The following XPR1 variants were observed in gnomAD, a reference collection of about 807,000 sequenced individuals.
XPR1 encodes solute carrier family 53 member 1.
Under a neutral mutation model 87.5 loss-of-function variants are expected in XPR1, and 28 were observed. The observed-to-expected ratio is 0.32, with a 90% confidence interval of 0.24 to 0.44. The LOEUF is 0.44. XPR1 is among the 20% of genes least tolerant of loss of function. XPR1 has a pLI of 1.00. For synonymous variants in XPR1, 300 were observed against 306.1 expected (o/e 0.98, Z 0.21); for missense variants, 559 against 862.3 (o/e 0.65, Z 4.41).
intron 5 of XPR1, 88 bp downstream of exon 5, chr1:180,806,299 C>A: frequency 6.4e-7 from 1 of 1,551,302 alleles, no homozygotes; most frequent in South Asian, 1.2e-5. Flanking sequence ...TATTTTGTAA[C>A]TAGTTGCTAG....
At chr1:180,713,348 A>G (rs1657873413) in intron 2 of XPR1, among the ~76,000 whole-genome samples, 1 of 152,148 alleles carries the variant, frequency 6.6e-6, no homozygotes, top group African/African-American at 2.4e-5. Context: ...TCTTGTGCAA[A>G]TTTGCTAAAC....
chr1:180,788,566 A>G lies in XPR1; in HGVS notation c.223+712A>G, dbSNP rs879022257. On this transcript the variant is annotated intron_variant, in intron 3 of 14. Transcript: ENST00000367590. ...TTCATCTAGACTCTGGAAATGTTAC[A>G]CATAGTTCCTGTTACACCGCCAGAT... 3.3e-5 allele frequency among the ~76,000 whole-genome samples: 5 copies of G among 152,132 alleles called. No homozygotes were observed. The South Asian group carries it at 1.0e-3, about 32-fold the overall frequency.
Position 180,688,704 on chromosome 1 carries a change from T to C in XPR1, c.121+6293T>C, listed in dbSNP as rs138010022. Among the ~76,000 whole-genome samples, 84 of 152,322 alleles carry C rather than the reference T, an allele frequency of 5.5e-4. No individual in the cohort carries two copies. The East Asian group carries it at 0.013, about 24-fold the overall frequency. On this transcript the variant is annotated intron_variant, in intron 2 of 14. Transcript: ENST00000367590. ...AACAATTCTTACATATAGTACCCGT[T>C]TGACATTGTGTCAAGTTTTCAGTGA... is the stretch of plus-strand genomic sequence containing the variant.
At chr1:180,669,505 C>A (rs1184944866) in intron 1 of XPR1, among the ~76,000 whole-genome samples, 1 of 152,112 alleles carries the variant, frequency 6.6e-6, no homozygotes, top group African/African-American at 2.4e-5. Context: ...ACCTCAGCCT[C>A]CTGAGTAGCT....
At position 180,659,272 on chromosome 1, in the gene XPR1, C is replaced by T. The variant is rs1416743874; in HGVS notation, c.70-23088C>T. On this transcript the variant is annotated intron_variant, in intron 1 of 14. Transcript: ENST00000367590. ...TTCCTCCCTCCCTCCCTCCCTCCCT[C>T]CCTCCCTTCTTTCCCATCAGTGTTC... Among the ~76,000 whole-genome samples the T allele has an allele frequency of 1.6e-4, 15 of 93,102 alleles. No homozygotes were observed. The South Asian group carries it at 5.0e-3, about 31-fold the overall frequency. 61.1% of individuals were successfully genotyped at this position (93,102 alleles called of 152,430 possible).
intron 2 of XPR1, among the ~76,000 whole-genome samples, chr1:180,747,753 A>G (rs1469253773): frequency 6.6e-6 from 1 of 152,220 alleles, no homozygotes; most frequent in African/African-American, 2.4e-5. Flanking sequence ...AGAAAAATAG[A>G]GGCTTTATAG....
At chr1:180,815,283 G>A (rs947444347) in intron 7 of XPR1, among the ~76,000 whole-genome samples, 3 of 151,814 alleles carry the variant, frequency 2.0e-5, no homozygotes, top group Non-Finnish European at 2.9e-5. Flanking sequence ...CTATGTTTTT[G>A]TAAGACATTC....
intron 2 of XPR1, among the ~76,000 whole-genome samples, chr1:180,709,759 C>G (rs1000702528): frequency 6.6e-6 from 1 of 152,038 alleles, no homozygotes; most frequent in Admixed American, 6.5e-5. Context: ...TTTACATTTT[C>G]CAAATGACTA....
intron 2 of XPR1, among the ~76,000 whole-genome samples, chr1:180,762,065 G>A (rs926682055): frequency 5.7e-5 from 8 of 141,128 alleles, no homozygotes; most frequent in African/African-American, 1.3e-4. Flanking sequence ...GGTGGGAATC[G>A]AACACTGAGA....
intron 14 of XPR1, among the ~76,000 whole-genome samples, chr1:180,882,939 A>G (rs1453147878): frequency 6.7e-6 from 1 of 149,134 alleles, no homozygotes; most frequent in Non-Finnish European, 1.5e-5. Context: ...CCTTATCACA[A>G]TTTCTTATAT....
At chr1:180,747,168 A>T (rs1287168223) in intron 2 of XPR1, among the ~76,000 whole-genome samples, 1 of 152,192 alleles carries the variant, frequency 6.6e-6, no homozygotes. Context: ...GCTAAGTGTT[A>T]TTCAGTTTCA....
At chr1:180,877,759 T>G (rs1013346876) in intron 13 of XPR1, among the ~76,000 whole-genome samples, 2 of 151,734 alleles carry the variant, frequency 1.3e-5, no homozygotes, top group African/African-American at 4.8e-5. Flanking sequence ...AAAAGGCAAA[T>G]TAGCCAAGAG....
intron 9 of XPR1, among the ~76,000 whole-genome samples, chr1:180,826,118 A>G (rs1419944744): frequency 6.6e-6 from 1 of 152,168 alleles, no homozygotes; most frequent in Non-Finnish European, 1.5e-5. Context: ...CTTCCACTTT[A>G]CCTGTCTCTT....
chr1:180,738,268 C>T (rs1230410687), intron 2 of XPR1, among the ~76,000 whole-genome samples: 1 of 152,170 alleles, frequency 6.6e-6, no homozygotes, highest in Admixed American at 6.5e-5. Flanking sequence ...CACCTTGCCT[C>T]CCAAAGTGCT....
At position 180,782,378 on chromosome 1, in the gene XPR1, G is replaced by A. The variant is rs372580446; in HGVS notation, c.122-5375G>A. Among the ~76,000 whole-genome samples the A allele has an allele frequency of 9.0e-4, 137 of 152,016 alleles. 1 individual carries two copies. The highest frequency in any genetic ancestry group is 2.7e-3 in the South Asian group (13 of 4,804). On this transcript the variant is annotated intron_variant, in intron 2 of 14. Coordinates refer to ENST00000367590, the MANE Select transcript of XPR1 (RefSeq NM_004736.4). ...TTAAACAACAGAAATTTGTTTTCTC[G>A]TATTTCTGGAGGCTTGAAAGTCCAT... is the stretch of plus-strand genomic sequence containing the variant.
At chr1:180,826,573 CAAAG>C (rs1348626795) in intron 9 of XPR1, among the ~76,000 whole-genome samples, 1 of 151,970 alleles carries the variant, frequency 6.6e-6, no homozygotes, top group Non-Finnish European at 1.5e-5. Context: ...AAGAAAGAAA[CAAAG>C]AAAGTAAATC....
chr1:180,854,949 A>G (rs561302410), intron 11 of XPR1, among the ~76,000 whole-genome samples: 127 of 152,318 alleles, frequency 8.3e-4, no homozygotes, highest in Middle Eastern at 3.4e-3. Flanking sequence ...GCCTTTCCCA[A>G]GTATTTGTTG....
At chr1:180,691,493 G>A (rs1234501798) in intron 2 of XPR1, among the ~76,000 whole-genome samples, 1 of 152,130 alleles carries the variant, frequency 6.6e-6, no homozygotes, top group African/African-American at 2.4e-5. Context: ...CTCTGACTCA[G>A]CTTAATACAG....
intron 1 of XPR1, among the ~76,000 whole-genome samples, chr1:180,675,858 G>T (rs775216928): frequency 6.6e-6 from 1 of 152,112 alleles, no homozygotes; most frequent in Non-Finnish European, 1.5e-5. Flanking sequence ...CCTTGTTTCT[G>T]ATTGAGGACT....
Sources: gnomAD v4.1 joint callset for allele counts (sites outside exome capture counted in the v4.1 genomes callset) on GRCh38, gnomAD v4.1.1 for gene constraint, MANE v1.5 for transcripts, NCBI Gene and HGNC (gene_info 2026-07-23, HGNC 2026-07-21) for gene names.